Variants in DNM1 observed in about 807,000 individuals in gnomAD.
DNM1 encodes the protein dynamin 1.
A neutral mutation model predicts 104.6 loss-of-function variants in DNM1; 29 were observed. The ratio of observed to expected loss-of-function variants is 0.28; its 90% confidence interval spans 0.21 to 0.38. The LOEUF is 0.38. Ranked by LOEUF, DNM1 falls within the 10% of genes least tolerant of loss-of-function variation. DNM1 has a pLI of 1.00. For synonymous variants in DNM1, 445 were observed against 475.8 expected (o/e 0.94, Z 0.84); for missense variants, 640 against 1,189.4 (o/e 0.54, Z 6.79).
chr9:128,227,346 A>G (rs1316440241), intron 10 of DNM1, among the ~76,000 whole-genome samples: 1 of 120,122 alleles, frequency 8.3e-6, no homozygotes, highest in East Asian at 2.6e-4. Flanking sequence ...TAATCCTTGT[A>G]TGTTGCTACA....
Position 128,248,767 on chromosome 9 carries a change from T to G in DNM1, c.2076+14T>G. ...ATGATTAACAATGTGCGTGCTCCAC[T>G]GCATGGGGGCAGGGAAATCCTGTGG... On this transcript the variant is annotated intron_variant, in intron 19 of 21. Transcript: ENST00000372923. The surrounding 1 kb of genome is among the most constrained non-coding windows in gnomAD (Gnocchi z 5.6). The G allele has an allele frequency of 6.2e-7, 1 of 1,607,574 alleles. No homozygotes were observed. Among genetic ancestry groups the G allele is most frequent in the Non-Finnish European group, 8.5e-7 (1 of 1,174,604 alleles).
Position 128,248,734 on chromosome 9 carries a change from T to C in DNM1, c.2057T>C (p.Met686Thr). 1 of 1,613,728 alleles carries C rather than the reference T, an allele frequency of 6.2e-7. No homozygotes were observed. Among genetic ancestry groups the C allele is most frequent in the Non-Finnish European group, 8.5e-7 (1 of 1,179,644 alleles). Residue 686 changes from methionine (M) to threonine (T), a missense_variant, in exon 19 of 22, where the codon ATG becomes ACG. By Grantham distance (81) the Met-to-Thr change is moderately conservative. Transcript: ENST00000372923. The surrounding 1 kb of genome is among the most constrained non-coding windows in gnomAD (Gnocchi z 5.6). Reference protein sequence around the residue: ...TVRDLMPKTIMHLMINNTKEF... With the variant: ...TVRDLMPKTITHLMINNTKEF... ...AGGGACCTCATGCCCAAGACCATCATGCACCTCATGATTAACAATGTGCGT... is the reference window on the plus strand; with the variant it reads ...AGGGACCTCATGCCCAAGACCATCACGCACCTCATGATTAACAATGTGCGT...
chr9:128,250,025 C>G (rs961474376), intron 19 of DNM1, 90 bp from the exon 20 acceptor site: 1 of 1,594,814 alleles, frequency 6.3e-7, no homozygotes. Flanking sequence ...AAAAGCCACA[C>G]CAGCTCACAG....
intron 15 of DNM1, 25 bp downstream of exon 15, chr9:128,242,370 A>T: frequency 7.4e-7 from 1 of 1,355,516 alleles, no homozygotes; most frequent in Non-Finnish European, 1.1e-6. Flanking sequence ...AGTGGTCATC[A>T]AGGGGCTGGG....
In DNM1 at chr9:128,242,808, G is replaced by A. The variant is rs568705772; in HGVS notation, c.1671+463G>A. Among the ~76,000 whole-genome samples the A allele has an allele frequency of 2.3e-3, 348 of 152,314 alleles. 1 individual carries two copies. Among genetic ancestry groups the A allele is most frequent in the African/African-American group, 8.1e-3 (335 of 41,568 alleles). On this transcript the variant is annotated intron_variant, in intron 15 of 21. Coordinates refer to ENST00000372923, the MANE Select transcript of DNM1 (RefSeq NM_004408.4). ...AGTTGGGATGCAAGGGTCCAAGGCAGGTGACCCTGGGGGTTCAGGGGGAGG... is the reference window on the plus strand; with the variant it reads ...AGTTGGGATGCAAGGGTCCAAGGCAAGTGACCCTGGGGGTTCAGGGGGAGG...
intron 1 of DNM1, among the ~76,000 whole-genome samples, chr9:128,215,000 G>C (rs989161136): frequency 2.0e-5 from 3 of 152,252 alleles, no homozygotes; most frequent in Non-Finnish European, 4.4e-5. Flanking sequence ...GAAGAGCTAG[G>C]GAGCTGCTGA....
Position 128,225,940 on chromosome 9 carries a change from A to G in DNM1, c.1335+1551A>G, listed in dbSNP as rs1414794330. On this transcript the variant is annotated intron_variant, in intron 10 of 21. Coordinates refer to ENST00000372923, the MANE Select transcript of DNM1 (RefSeq NM_004408.4). The stretch of plus-strand genomic sequence containing the variant: ...CCCCCGTGCCCGTGCCATCCTCTCC[A>G]CCCCTGGATTCCTGTCTCTGCTTGG... 2.6e-6 allele frequency: 3 copies of G among 1,134,632 alleles called. No individual in the cohort carries two copies. In the African/African-American group the frequency reaches 4.7e-5, roughly 18 times the overall value. The allele number at this position is 1,134,632 out of a possible 1,614,324, so 70.3% of individuals were successfully genotyped here. A position where few individuals can be genotyped will look rare whatever the true frequency, so the allele number is the denominator to read the frequency against.
chr9:128,231,860 A>G (rs112981705), intron 10 of DNM1: 1 of 351,948 alleles, frequency 2.8e-6, no homozygotes. Context: ...GTCAGCGGAC[A>G]GCGGCTGGCT....
chr9:128,250,845 C>T lies in DNM1; in HGVS notation c.2439C>T (p.Pro813=). ...PPAGSALGGA[P]PVPSRPGASP... Reference sequence around the variant, plus strand: ...CTGGGTCCGCCCTGGGGGGGGCGCCCCCCGTGCCCTCCAGGCCGGGGGCTT... The same window carrying T: ...CTGGGTCCGCCCTGGGGGGGGCGCCTCCCGTGCCCTCCAGGCCGGGGGCTT... Residue 813 remains proline (P), a synonymous_variant, in exon 21 of 22, where the codon CCC becomes CCT. Transcript: ENST00000372923. 1 of 1,301,084 alleles carries T rather than the reference C, an allele frequency of 7.7e-7. No homozygotes were observed. Among genetic ancestry groups the T allele is most frequent in the Non-Finnish European group, 9.7e-7 (1 of 1,032,566 alleles). 80.6% of individuals were successfully genotyped at this position (1,301,084 alleles called of 1,614,324 possible). A position where few individuals can be genotyped will look rare whatever the true frequency, so the allele number is the denominator to read the frequency against.
chr9:128,217,855 T>G (rs555534158), intron 1 of DNM1, among the ~76,000 whole-genome samples: 1 of 152,258 alleles, frequency 6.6e-6, no homozygotes, highest in East Asian at 1.9e-4. Flanking sequence ...TTTCCTGGGA[T>G]CCACTCTGTG....
chr9:128,222,066 C>T lies in DNM1; in HGVS notation c.850-131C>T. On this transcript the variant is annotated intron_variant, in intron 6 of 21. Transcript: ENST00000372923. This position sits in a 1 kb window ranked among gnomAD's most constrained non-coding sequence, Gnocchi z 7.8. ...ATGAACCAGTTTTCTTGCTAGTGGCCCGGGCAGCAGTGGCAGGGCTGCCCT... is the reference window on the plus strand; with the variant it reads ...ATGAACCAGTTTTCTTGCTAGTGGCTCGGGCAGCAGTGGCAGGGCTGCCCT... 1 of 1,098,220 alleles carries T rather than the reference C, an allele frequency of 9.1e-7. No individual in the cohort carries two copies. The highest frequency in any genetic ancestry group is 1.3e-6 in the Non-Finnish European group (1 of 774,478). 68.0% of individuals were successfully genotyped at this position (1,098,220 alleles called of 1,614,324 possible).
rs997497962 is a variant in DNM1 at position 128,245,452 on chromosome 9, C to G, written c.1672-942C>G. Among the ~76,000 whole-genome samples, 10 of 152,030 alleles carry G rather than the reference C, an allele frequency of 6.6e-5. No homozygotes were observed. Among genetic ancestry groups the G allele is most frequent in the African/African-American group, 2.4e-4 (10 of 41,360 alleles). ...CAAAAACCCCTCCCCTCTCCCAGAG[C>G]CCCATCCTGGGGTACCTCCTCCCTA... On this transcript the variant is annotated intron_variant, in intron 15 of 21. Transcript: ENST00000372923. The surrounding 1 kb of genome is among the most constrained non-coding windows in gnomAD (Gnocchi z 5.2).
intron 10 of DNM1, chr9:128,226,282 A>AC: frequency 1.3e-6 from 2 of 1,495,720 alleles, no homozygotes; most frequent in Non-Finnish European, 9.0e-7. Context: ...ACCCGCAGGG[A>AC]CCCAGCCCTA....
rs45608734 is a variant in DNM1, at chr9:128,206,101, A to G, written c.161+2470A>G. Among the ~76,000 whole-genome samples, 405 of 152,260 alleles carry G rather than the reference A, an allele frequency of 2.7e-3. 2 individuals carry two copies. The highest frequency in any genetic ancestry group is 6.0e-3 in the Admixed American group (92 of 15,294). ...CTGTCTCAGCCTGCCAGCTCCCTCA[A>G]GGGCTCCTGACCTCTCCAACAGGGC... On this transcript the variant is annotated intron_variant, in intron 1 of 21. Coordinates refer to ENST00000372923, the MANE Select transcript of DNM1 (RefSeq NM_004408.4).
Position 128,247,984 on chromosome 9 carries a change from C to G in DNM1, c.1905+49C>G, listed in dbSNP as rs1174714845. 1.9e-6 allele frequency: 3 copies of G among 1,611,920 alleles called. No homozygotes were observed. Among genetic ancestry groups the G allele is most frequent in the Non-Finnish European group, 2.5e-6 (3 of 1,178,014 alleles). On this transcript the variant is annotated intron_variant, in intron 18 of 21. Coordinates refer to ENST00000372923, the MANE Select transcript of DNM1 (RefSeq NM_004408.4). This position sits in a 1 kb window ranked among gnomAD's most constrained non-coding sequence, Gnocchi z 5.1. ...CCTGCCAGGCATCTGCAGCCTGGCA[C>G]CAGCTCCAGCCAGGTTTTCAAGCAA...
Position 128,222,518 on chromosome 9 carries a change from G to A in DNM1, c.1050G>A (p.Gln350=). 2 of 1,614,198 alleles carry A rather than the reference G, an allele frequency of 1.2e-6. No homozygotes were observed. Residue 350 remains glutamine (Q), a synonymous_variant, in exon 8 of 22, where the codon CAG becomes CAA. Coordinates refer to ENST00000372923, the MANE Select transcript of DNM1 (RefSeq NM_004408.4). This position sits in a 1 kb window ranked among gnomAD's most constrained non-coding sequence, Gnocchi z 7.8. ...FEKRIEGSGD[Q]IDTYELSGGA... ...AGCGCATTGAGGGCTCAGGAGATCA[G>A]ATCGACACCTACGAACTGTCAGGGG...
chr9:128,233,752 G>A (rs1564341410), intron 10 of DNM1: 3 of 537,104 alleles, frequency 5.6e-6, no homozygotes, highest in East Asian at 6.8e-5. Context: ...CCACCCCTCT[G>A]CCCTGAAGTT....
chr9:128,205,205 T>C (rs1233820354), intron 1 of DNM1, among the ~76,000 whole-genome samples: 1 of 152,100 alleles, frequency 6.6e-6, no homozygotes, highest in Non-Finnish European at 1.5e-5. Flanking sequence ...GGGCCAGCAG[T>C]CAGGGATATC....
chr9:128,219,390 C>G (rs1834805112), intron 4 of DNM1, 138 bp downstream of exon 4: 2 of 777,128 alleles, frequency 2.6e-6, no homozygotes, highest in South Asian at 1.7e-5. Flanking sequence ...CTTTGGGGGT[C>G]AGGCATGGTA....
Sources: allele counts gnomAD v4.1 joint callset (sites outside exome capture counted in the v4.1 genomes callset), GRCh38; gene constraint gnomAD v4.1.1; non-coding constraint Gnocchi (gnomAD v3.1); transcripts MANE v1.5; gene names NCBI Gene and HGNC (gene_info 2026-07-23, HGNC 2026-07-21).